The following LGALS12 variants were observed in gnomAD, a reference collection of about 807,000 sequenced individuals.
LGALS12 encodes galectin 12.
Under a neutral mutation model 36.8 loss-of-function variants are expected in LGALS12, and 36 were observed. The observed-to-expected ratio is 0.98, with a 90% CI of 0.75 to 1.29. The LOEUF (loss-of-function observed/expected upper bound fraction) is 1.29. LGALS12 is among the 50% of genes most tolerant of loss of function. The probability of loss-of-function intolerance (pLI) is 0.00; values close to 1 mark genes in which losing one functional copy is unlikely to be tolerated. For missense variants in LGALS12, 366 were observed against 394.3 expected (o/e 0.93, Z 0.61); for synonymous variants, 145 against 155.9 (o/e 0.93, Z 0.52).
chr11:63,508,875 A>G lies in LGALS12; in HGVS notation c.256A>G (p.Ile86Val). 6.2e-7 allele frequency: 1 copy of G among 1,614,166 alleles called. No homozygotes were observed. Among genetic ancestry groups the G allele is most frequent in the Non-Finnish European group, 8.5e-7 (1 of 1,180,024 alleles). The change falls in exon 3 of 9, where the codon ATC becomes GTC. Residue 86 changes from isoleucine to valine, a missense_variant. Ile to Val is a conservative substitution (Grantham distance 29, BLOSUM62 3). Coordinates refer to ENST00000394618, the MANE Select transcript of LGALS12 (RefSeq NM_033101.4). ...PRFHTTKPHVICNTLHGGRWQ... is the reference protein window; with the variant it reads ...PRFHTTKPHVVCNTLHGGRWQ... Reference sequence around the variant, plus strand: ...CTTCCATACCACCAAGCCCCATGTCATCTGCAACACCCTGCATGGTGGACG... The same window carrying G: ...CTTCCATACCACCAAGCCCCATGTCGTCTGCAACACCCTGCATGGTGGACG...
chr11:63,508,647 G>A lies in LGALS12; in HGVS notation c.158+6G>A. The A allele has an allele frequency of 6.2e-7, 1 of 1,614,098 alleles. No individual in the cohort carries two copies. Among genetic ancestry groups the A allele is most frequent in the Non-Finnish European group, 8.5e-7 (1 of 1,180,018 alleles). On this transcript the variant is annotated splice_donor_region_variant and intron_variant, in intron 2 of 8. Transcript: ENST00000394618. ...GTCCCTCTAGATGCACACAGGTAAGGCGGGGGAGGTGGCCCAGGGGGTGCT... is the reference window on the plus strand; with the variant it reads ...GTCCCTCTAGATGCACACAGGTAAGACGGGGGAGGTGGCCCAGGGGGTGCT...
chr11:63,514,841 G>C (rs2017031260), intron 7 of LGALS12, among the ~76,000 whole-genome samples: 1 of 151,446 alleles, frequency 6.6e-6, no homozygotes, highest in Non-Finnish European at 1.5e-5. Flanking sequence ...GCTAGGAATT[G>C]CTAGTTTTCA....
At chr11:63,507,484 G>C (rs888934403) in intron 1 of LGALS12, among the ~76,000 whole-genome samples, 9 of 152,108 alleles carry the variant, frequency 5.9e-5, no homozygotes. Flanking sequence ...GAAAGAGAAG[G>C]CTTCAGTTTT....
At chr11:63,509,084 G>A in intron 3 of LGALS12, 93 bp downstream of exon 3, 1 of 1,023,724 alleles carries the variant, frequency 9.8e-7, no homozygotes, top group Admixed American at 2.1e-5. Flanking sequence ...AATGTTGAGT[G>A]GCATTGGTAG....
At chr11:63,507,636 G>A (rs894329657) in intron 1 of LGALS12, among the ~76,000 whole-genome samples, 6 of 150,700 alleles carry the variant, frequency 4.0e-5, no homozygotes, top group African/African-American at 1.5e-4. Context: ...CTTGGAAAGA[G>A]TCAGGGTGGA....
intron 4 of LGALS12, 92 bp downstream of exon 4, chr11:63,509,989 A>G: frequency 6.9e-7 from 1 of 1,448,332 alleles, no homozygotes; most frequent in Non-Finnish European, 9.3e-7. Flanking sequence ...TCCACCCTAG[A>G]CTGAGAGAGA....
chr11:63,516,300 G>A lies in LGALS12; in HGVS notation c.852G>A (p.Gly284=), dbSNP rs780906143. 3 of 1,611,488 alleles carry A rather than the reference G, an allele frequency of 1.9e-6. No homozygotes were observed. The highest frequency in any genetic ancestry group is 2.5e-6 in the Non-Finnish European group (3 of 1,178,798). The change falls in exon 9 of 9, where the codon GGG becomes GGA. Residue 284 remains glycine (G), a synonymous_variant. Coordinates refer to ENST00000394618, the MANE Select transcript of LGALS12 (RefSeq NM_033101.4). ...TGAAGCTGGCGCTCAATGGGCAGGG[G>A]CTGGGGGCCACCAGCATGAACCAGC... ...GGLKLALNGQ[G]LGATSMNQQA...
At chr11:63,514,213 T>C (rs2017010916) in intron 7 of LGALS12, among the ~76,000 whole-genome samples, 1 of 152,156 alleles carries the variant, frequency 6.6e-6, no homozygotes, top group South Asian at 2.1e-4. Flanking sequence ...CTGCATCCCA[T>C]CAGGATGCCG....
intron 4 of LGALS12, 57 bp from the exon 5 acceptor site, chr11:63,510,405 AG>A: frequency 6.4e-7 from 1 of 1,550,690 alleles, no homozygotes; most frequent in East Asian, 2.2e-5. Context: ...TCCCAGGCAT[AG>A]GTAGGGGATT....
intron 1 of LGALS12, among the ~76,000 whole-genome samples, chr11:63,507,090 C>T (rs2016763267): frequency 6.6e-6 from 1 of 152,194 alleles, no homozygotes; most frequent in Non-Finnish European, 1.5e-5. Context: ...GCTGCATCCA[C>T]TCAGTTAATT....
At chr11:63,514,301 G>A (rs889318315) in intron 7 of LGALS12, among the ~76,000 whole-genome samples, 3 of 152,226 alleles carry the variant, frequency 2.0e-5, no homozygotes, top group Admixed American at 6.5e-5. Context: ...GCCGGGCGCG[G>A]TGGCTCAAGC....
In LGALS12 at chr11:63,506,486, A is replaced by G. The variant is rs2016746858; in HGVS notation, c.28A>G (p.Ile10Val). The G allele has an allele frequency of 1.2e-6, 2 of 1,614,090 alleles. No individual in the cohort carries two copies. Among genetic ancestry groups the G allele is most frequent in the Admixed American group, 1.7e-5 (1 of 60,008 alleles). ...GTCACCTGGAGAAAAACTGGACCCA[A>G]TTCCTGACAGCTTCATTCTGCAACC... MSPGEKLDP[I>V]PDSFILQPPV... Residue 10 changes from isoleucine to valine, a missense_variant, in exon 1 of 9, where the codon ATT becomes GTT. By Grantham distance (29) the Ile-to-Val change is conservative (BLOSUM62 3). Coordinates refer to ENST00000394618, the MANE Select transcript of LGALS12 (RefSeq NM_033101.4).
intron 1 of LGALS12, among the ~76,000 whole-genome samples, chr11:63,507,796 A>G (rs1402719915): frequency 3.1e-5 from 4 of 127,206 alleles, no homozygotes; most frequent in African/African-American, 1.2e-4. Context: ...GTACAGTGGC[A>G]TGATCTCAGC....
intron 7 of LGALS12, among the ~76,000 whole-genome samples, chr11:63,514,879 T>C (rs2017033073): frequency 6.6e-6 from 1 of 152,216 alleles, no homozygotes; most frequent in South Asian, 2.1e-4. Context: ...GTTCCTTTTT[T>C]TTTTTGGCTC....
At chr11:63,510,335 C>G in intron 4 of LGALS12, 128 bp from the exon 5 acceptor site, 1 of 877,374 alleles carries the variant, frequency 1.1e-6, no homozygotes, top group Non-Finnish European at 1.9e-6. Context: ...CAGCAAGAAG[C>G]TACCACTGAC....
chr11:63,511,899 C>A (rs2016937405), intron 7 of LGALS12, 59 bp downstream of exon 7: 4 of 1,051,000 alleles, frequency 3.8e-6, no homozygotes, highest in Admixed American at 1.7e-5. Context: ...CAGTCACATG[C>A]TATAAAACAT....
chr11:63,507,998 C>T (rs1170188486), intron 1 of LGALS12: 1 of 984,876 alleles, frequency 1.0e-6, no homozygotes, highest in Non-Finnish European at 1.2e-6. Flanking sequence ...CTCAGCTTCC[C>T]AGAGTGCTGA....
At chr11:63,513,924 T>G (rs1189180738) in intron 7 of LGALS12, among the ~76,000 whole-genome samples, 2 of 151,960 alleles carry the variant, frequency 1.3e-5, no homozygotes, top group Admixed American at 6.6e-5. Context: ...TGCATGAAGG[T>G]GAGGTAGGGA....
intron 3 of LGALS12, among the ~76,000 whole-genome samples, chr11:63,509,294 A>G (rs2016844328): frequency 1.3e-5 from 2 of 152,276 alleles, no homozygotes; most frequent in African/African-American, 4.8e-5. Context: ...TTGAATGCTC[A>G]CAATAACCCC....
Sources: allele counts gnomAD v4.1 joint callset (sites outside exome capture counted in the v4.1 genomes callset), GRCh38; gene constraint gnomAD v4.1.1; transcripts MANE v1.5; gene names NCBI Gene and HGNC (gene_info 2026-07-23, HGNC 2026-07-21).